ATXN7: variants seen among roughly 807,000 people sequenced by gnomAD.
The protein encoded by ATXN7 is ataxin 7, also known as ataxin-7.
In ATXN7, 12 loss-of-function variants were observed where a neutral mutation model predicts 70.5. The ratio of observed to expected loss-of-function variants is 0.17; its 90% CI spans 0.11 to 0.28. ATXN7 has a LOEUF of 0.28. Ranked by LOEUF, ATXN7 falls within the 10% of genes least tolerant of loss-of-function variation. ATXN7 has a pLI of 1.00. For synonymous variants in ATXN7, 498 were observed against 448.7 expected (o/e 1.11, Z -1.39); for missense variants, 1,256 against 1,131.7 (o/e 1.11, Z -1.58).
chr3:63,981,820 A>T (rs59888248), intron 6 of ATXN7, among the ~76,000 whole-genome samples: 3,978 of 152,328 alleles, frequency 0.026, 161 homozygotes, highest in African/African-American at 0.089. Context: ...CTCAAAAGAT[A>T]TTCTCCAAGG....
intron 4 of ATXN7, 82 bp downstream of exon 4, chr3:63,913,307 C>G (rs943303196): frequency 7.2e-7 from 1 of 1,395,608 alleles, no homozygotes; most frequent in African/African-American, 1.4e-5. Flanking sequence ...GAACATCAGC[C>G]CACCATACCG....
At chr3:63,933,277 A>G (rs757702778) in intron 4 of ATXN7, among the ~76,000 whole-genome samples, 4 of 152,052 alleles carry the variant, frequency 2.6e-5, no homozygotes, top group South Asian at 2.1e-4. Context: ...CCTTTCTTCA[A>G]GTTTTGGGCT....
rs10557844 is a variant in ATXN7 at position 63,964,073 on chromosome 3, AACACACACAC to A, written c.499+11617_499+11626del. 6.6e-3 allele frequency among the ~76,000 whole-genome samples: 978 copies of A among 147,174 alleles called. 9 individuals carry two copies. The highest frequency in any genetic ancestry group is 0.022 in the African/African-American group (895 of 40,190). ...TCTTACAATGTTCCTTAGACACATAAACACACACACACACACACACACACACACACACACA... is the reference window on the plus strand; with the variant it reads ...TCTTACAATGTTCCTTAGACACATAAACACACACACACACACACACACACA... On this transcript the variant is annotated intron_variant, in intron 5 of 12. Coordinates refer to ENST00000674280, the MANE Select transcript of ATXN7 (RefSeq NM_001377405.1).
intron 4 of ATXN7, among the ~76,000 whole-genome samples, chr3:63,929,944 CAGTGAGCTGACTGACAAGT>C (rs1399132715): frequency 2.6e-5 from 4 of 152,122 alleles, no homozygotes; most frequent in Non-Finnish European, 4.4e-5. Context: ...TGTATATTGC[CAGTGAGCTGACTGACAAGT>C]AGTGGAGAGA....
intron 4 of ATXN7, among the ~76,000 whole-genome samples, chr3:63,917,465 A>G (rs1365941374): frequency 3.3e-5 from 5 of 152,142 alleles, no homozygotes; most frequent in Non-Finnish European, 7.3e-5. Context: ...AAAAATAAAA[A>G]CTTTAAATGC....
chr3:63,961,423 C>G (rs1236672619), intron 5 of ATXN7, among the ~76,000 whole-genome samples: 3 of 152,092 alleles, frequency 2.0e-5, no homozygotes, highest in Non-Finnish European at 4.4e-5. Flanking sequence ...TTGGGAATGT[C>G]TGTCAGTATT....
chr3:63,912,400 C>G (rs1426451947), intron 2 of ATXN7, among the ~76,000 whole-genome samples, 188 bp from the exon 3 acceptor site: 1 of 151,308 alleles, frequency 6.6e-6, no homozygotes, highest in Non-Finnish European at 1.5e-5. Flanking sequence ...TAGCCCGCGC[C>G]GCGGACTTTG....
intron 1 of ATXN7, among the ~76,000 whole-genome samples, chr3:63,887,435 G>T (rs1269417316): frequency 6.6e-6 from 1 of 152,172 alleles, no homozygotes; most frequent in African/African-American, 2.4e-5. Flanking sequence ...TTGTTTCGTA[G>T]TCACATAAGT....
intron 11 of ATXN7, among the ~76,000 whole-genome samples, chr3:63,993,275 A>ATTTTTTTTTTTTTTTT (rs556994956): frequency 3.0e-4 from 35 of 115,988 alleles, no homozygotes; most frequent in African/African-American, 1.1e-3. Context: ...TTGTTGGTGT[A>ATTTTTTTTTTTTTTTT]TTTTTTTTTT....
chr3:63,927,248 C>G (rs73117050), intron 4 of ATXN7, among the ~76,000 whole-genome samples: 460 of 152,284 alleles, frequency 3.0e-3, no homozygotes, highest in Non-Finnish European at 5.1e-3. Flanking sequence ...ACATCACTCT[C>G]TATATTGCTT....
rs1359673346 is a variant in ATXN7 at position 64,002,439 on chromosome 3, A to G, written c.*2972A>G. 6.6e-6 allele frequency: 1 copy of G among 152,452 alleles called. No individual in the cohort carries two copies. The highest frequency in any genetic ancestry group is 1.5e-5 in the Non-Finnish European group (1 of 68,034). The allele number at this position is 152,452 out of a possible 1,614,324, so 9.4% of individuals were successfully genotyped here. A position where few individuals can be genotyped will look rare whatever the true frequency, so the allele number is the denominator to read the frequency against. On this transcript the variant is annotated 3_prime_UTR_variant, in exon 13 of 13. Coordinates refer to ENST00000674280, the MANE Select transcript of ATXN7 (RefSeq NM_001377405.1). ...CCTGGTTTCCCGATAGACTACATGT[A>G]ACTAAGTGACACACTGCTTTTCTTT...
chr3:63,868,118 G>A (rs373019392), intron 1 of ATXN7, among the ~76,000 whole-genome samples: 43 of 152,194 alleles, frequency 2.8e-4, no homozygotes, highest in African/African-American at 9.4e-4. Context: ...GACACCAGCC[G>A]TTGGAGTAAA....
intron 2 of ATXN7, among the ~76,000 whole-genome samples, chr3:63,899,123 C>T (rs953339510): frequency 6.6e-6 from 1 of 150,880 alleles, no homozygotes; most frequent in Admixed American, 6.6e-5. Flanking sequence ...AGTGTAGTGG[C>T]ATGATCGTGG....
chr3:63,925,926 A>G (rs1704699127), intron 4 of ATXN7, among the ~76,000 whole-genome samples: 1 of 152,122 alleles, frequency 6.6e-6, no homozygotes, highest in South Asian at 2.1e-4. Flanking sequence ...AGATGGGAGT[A>G]GATATGTTTG....
Position 63,912,612 on chromosome 3 carries a change from C to T in ATXN7, c.14C>T (p.Ala5Val), listed in dbSNP as rs539552087. Residue 5 changes from alanine (A) to valine (V), a missense_variant, in exon 3 of 13, where the codon GCC becomes GTC. By Grantham distance (64) the Ala-to-Val change is moderately conservative. Coordinates refer to ENST00000674280, the MANE Select transcript of ATXN7 (RefSeq NM_001377405.1). Reference sequence around the variant, plus strand: ...GGAGCGGAAAGAATGTCGGAGCGGGCCGCGGATGACGTCAGGGGGGAGCCG... The same window carrying T: ...GGAGCGGAAAGAATGTCGGAGCGGGTCGCGGATGACGTCAGGGGGGAGCCG... MSERAADDVRGEPRR... is the reference protein window; with the variant it reads MSERVADDVRGEPRR... The T allele has an allele frequency of 4.6e-6, 5 of 1,096,256 alleles. No individual in the cohort carries two copies. The African/African-American group carries it at 8.6e-5, about 19-fold the overall frequency. The allele number at this position is 1,096,256 out of a possible 1,614,324, so 67.9% of individuals were successfully genotyped here.
intron 5 of ATXN7, among the ~76,000 whole-genome samples, chr3:63,959,834 G>A (rs1037175518): frequency 6.6e-6 from 1 of 152,116 alleles, no homozygotes; most frequent in African/African-American, 2.4e-5. Context: ...GGCTGCTTTA[G>A]AAAGGAATTA....
At chr3:63,939,492 C>A (rs2074719550) in intron 4 of ATXN7, among the ~76,000 whole-genome samples, 1 of 152,136 alleles carries the variant, frequency 6.6e-6, no homozygotes, top group African/African-American at 2.4e-5. Context: ...TATTATCCTT[C>A]ATTAAAATGC....
At chr3:63,949,916 G>A (rs929480890) in intron 4 of ATXN7, among the ~76,000 whole-genome samples, 9 of 152,144 alleles carry the variant, frequency 5.9e-5, no homozygotes, top group African/African-American at 2.2e-4. Context: ...GTAAAATGGG[G>A]ATTATTATGT....
At chr3:63,885,480 A>G (rs1432532699) in intron 1 of ATXN7, among the ~76,000 whole-genome samples, 1 of 152,194 alleles carries the variant, frequency 6.6e-6, no homozygotes, top group Non-Finnish European at 1.5e-5. Flanking sequence ...GAATCTTTGT[A>G]CATTGGTAGT....
Sources: allele counts gnomAD v4.1 joint callset (sites outside exome capture counted in the v4.1 genomes callset), GRCh38; gene constraint gnomAD v4.1.1; transcripts MANE v1.5; gene names NCBI Gene and HGNC (gene_info 2026-07-23, HGNC 2026-07-21).